The following FGF13 variants were observed in gnomAD, a reference collection of about 807,000 sequenced individuals.
FGF13 encodes the protein fibroblast growth factor homologous factor 2.
FGF13 carries 2 observed loss-of-function variants against 19.5 expected under a neutral mutation model. The observed-to-expected ratio is 0.10, with a 90% confidence interval of 0.04 to 0.32. The LOEUF (loss-of-function observed/expected upper bound fraction) is 0.32, where lower values mean the gene tolerates loss of function less well. Among genes scored for constraint, FGF13 ranks in the 10% least tolerant of loss-of-function variants. FGF13 has a pLI of 1.00. For missense variants in FGF13, 113 were observed against 192.7 expected (o/e 0.59, Z 2.45); for synonymous variants, 72 against 76.9 (o/e 0.94, Z 0.33).
intron 1 of FGF13, among the ~76,000 whole-genome samples, chrX:139,174,651 G>C (rs1216789013): frequency 8.9e-6 from 1 of 111,820 alleles, no homozygotes; most frequent in Non-Finnish European, 1.9e-5. Context: ...ATTAAATAGG[G>C]AATCCTTTCC....
chrX:139,129,413 C>G (rs1230122076), intron 1 of FGF13, among the ~76,000 whole-genome samples: 1 of 110,627 alleles, frequency 9.0e-6, no homozygotes, highest in Non-Finnish European at 1.9e-5. Flanking sequence ...AGAAGACAGC[C>G]TAAATCCCAC....
At chrX:138,836,821 T>C (rs920476817) in intron 3 of FGF13, among the ~76,000 whole-genome samples, 5 of 111,790 alleles carry the variant, frequency 4.5e-5, no homozygotes, top group Admixed American at 1.9e-4. Context: ...TATTATTATT[T>C]CTCATCTTTG....
At chrX:139,158,057 G>A (rs964022424) in intron 1 of FGF13, among the ~76,000 whole-genome samples, 7 of 111,833 alleles carry the variant, frequency 6.3e-5, no homozygotes, top group African/African-American at 9.7e-5. Flanking sequence ...TGTGCCATGC[G>A]GAATGGTGCA....
chrX:139,058,181 A>C, intron 1 of FGF13, among the ~76,000 whole-genome samples: 1 of 112,040 alleles, frequency 8.9e-6, no homozygotes, highest in Middle Eastern at 4.6e-3. Flanking sequence ...GAAAAGGAAA[A>C]GGCGCAGTGT....
At chrX:138,972,402 G>C (rs1350387491) in intron 1 of FGF13, among the ~76,000 whole-genome samples, 7 of 103,224 alleles carry the variant, frequency 6.8e-5, no homozygotes, top group African/African-American at 2.5e-4. Flanking sequence ...TGTCGCCCAG[G>C]CTGGAGTGCA....
chrX:138,768,744 T>C (rs762835858), intron 3 of FGF13, among the ~76,000 whole-genome samples: 39 of 101,961 alleles, frequency 3.8e-4, no homozygotes, highest in African/African-American at 1.4e-3. Flanking sequence ...ATATGATATA[T>C]ATATATATAT....
chrX:138,782,667 T>G (rs2090655236), intron 3 of FGF13, among the ~76,000 whole-genome samples: 1 of 86,166 alleles, frequency 1.2e-5, no homozygotes, highest in African/African-American at 4.3e-5. Flanking sequence ...TAAAAGAGGA[T>G]ACAAACAAAT....
At chrX:138,927,807 C>A (rs774284908) in intron 1 of FGF13, among the ~76,000 whole-genome samples, 2 of 111,655 alleles carry the variant, frequency 1.8e-5, no homozygotes, top group South Asian at 3.7e-4. Flanking sequence ...AGGTAGTCAG[C>A]CGCTACCATA....
intron 3 of FGF13, among the ~76,000 whole-genome samples, chrX:138,763,480 T>G (rs2090481870): frequency 8.9e-6 from 1 of 112,117 alleles, no homozygotes; most frequent in South Asian, 3.6e-4. Flanking sequence ...GCGTGGCTTG[T>G]TGTATATGCA....
chrX:139,178,357 G>T (rs1452963686), intron 1 of FGF13, among the ~76,000 whole-genome samples: 1 of 112,266 alleles, frequency 8.9e-6, no homozygotes, highest in East Asian at 2.8e-4. Context: ...ATAGAAAATG[G>T]AAAGAAAGGA....
At chrX:138,808,514 A>C (rs1248808533) in intron 3 of FGF13, among the ~76,000 whole-genome samples, 1 of 111,717 alleles carries the variant, frequency 9.0e-6, no homozygotes, top group Non-Finnish European at 1.9e-5. Context: ...TGACACCCTA[A>C]CATCACAATG....
At chrX:138,792,701 T>C (rs771120142) in intron 3 of FGF13, among the ~76,000 whole-genome samples, 1 of 110,924 alleles carries the variant, frequency 9.0e-6, no homozygotes, top group Non-Finnish European at 1.9e-5. Flanking sequence ...GCATGATGAG[T>C]GAGGAGTGAT....
chrX:138,786,190 C>T (rs1215540231), intron 3 of FGF13, among the ~76,000 whole-genome samples: 2 of 111,905 alleles, frequency 1.8e-5, no homozygotes, highest in Non-Finnish European at 3.8e-5. Flanking sequence ...AAAGCATTCA[C>T]TCCTTTTCTT....
chrX:138,632,855 T>A lies in FGF13; in HGVS notation c.733A>T (p.Thr245Ser). Reference sequence around the variant, plus strand: ...CCTTCTTTTGCCCTCACTGGCTACGTTGATTCATTGTGGCTCATGGATTTG... The same window carrying A: ...CCTTCTTTTGCCCTCACTGGCTACGATGATTCATTGTGGCTCATGGATTTG... ...GGKSMSHNES[T>S] The change falls in exon 5 of 5, where the codon ACG (threonine) becomes TCG (serine). Residue 245 changes from threonine (T) to serine (S), a missense_variant. By Grantham distance (58) the Thr-to-Ser change is moderately conservative. Coordinates refer to ENST00000315930, the MANE Select transcript of FGF13 (RefSeq NM_004114.5). 1 of 1,208,535 alleles carries A rather than the reference T, an allele frequency of 8.3e-7. No individual in the cohort carries two copies. The highest frequency in any genetic ancestry group is 1.1e-6 in the Non-Finnish European group (1 of 893,564).
rs2089066521 is a variant in FGF13 at position 138,626,712 on chromosome X, A to G, written c.*6138T>C. On this transcript the variant is annotated 3_prime_UTR_variant, in exon 5 of 5. Transcript: ENST00000315930. ...ACTTGTTTATTTAGTGTCCTGCTAC[A>G]CACACACACAGACACAGACACACAC... 1 of 111,096 alleles carries G rather than the reference A, an allele frequency of 9.0e-6. No individual in the cohort carries two copies. Among genetic ancestry groups the G allele is most frequent in the South Asian group, 3.8e-4 (1 of 2,644 alleles). The allele number at this position is 111,096 out of a possible 1,213,427, so 9.2% of individuals were successfully genotyped here. A position where few individuals can be genotyped will look rare whatever the true frequency, so the allele number is the denominator to read the frequency against.
chrX:138,706,244 G>T, intron 2 of FGF13, among the ~76,000 whole-genome samples: 1 of 112,182 alleles, frequency 8.9e-6, no homozygotes. Context: ...TTGCACCCAG[G>T]GCAGACATAA....
intron 3 of FGF13, among the ~76,000 whole-genome samples, chrX:138,852,477 G>C (rs943270862): frequency 1.8e-5 from 2 of 111,725 alleles, no homozygotes; most frequent in Non-Finnish European, 3.8e-5. Flanking sequence ...CTTAATAAAT[G>C]GTGCTGGGTG....
At chrX:138,850,660 G>A (rs1157433224) in intron 3 of FGF13, among the ~76,000 whole-genome samples, 2 of 111,986 alleles carry the variant, frequency 1.8e-5, no homozygotes, top group Admixed American at 9.5e-5. Flanking sequence ...AAAGAAAAAA[G>A]TGACTTTGAA....
chrX:138,770,887 G>A lies in FGF13; in HGVS notation c.218-61959C>T, dbSNP rs781292419. On this transcript the variant is annotated intron_variant, in intron 3 of 6. Transcript: ENST00000436198. ...GGCACGTATGTACATGTCTGGGTCG[G>A]TGTGGGGTGGAGAAGGTGGGAAGTG... is the stretch of plus-strand genomic sequence containing the variant. Among the ~76,000 whole-genome samples the A allele has an allele frequency of 6.3e-5, 7 of 111,859 alleles. No individual in the cohort carries two copies. In the South Asian group the frequency reaches 2.7e-3, roughly 43 times the overall value.
Sources: gnomAD v4.1 joint callset for allele counts (sites outside exome capture counted in the v4.1 genomes callset) on GRCh38, gnomAD v4.1.1 for gene constraint, MANE v1.5 for transcripts, NCBI Gene and HGNC (gene_info 2026-07-23, HGNC 2026-07-21) for gene names.